ARHGAP17: variants seen among roughly 807,000 people sequenced by gnomAD.
ARHGAP17 encodes the protein Rho GTPase activating protein 17.
In ARHGAP17, 57 loss-of-function variants were observed where a neutral mutation model predicts 99.5. The observed-to-expected ratio is 0.57, with a 90% CI of 0.46 to 0.71. The LOEUF (loss-of-function observed/expected upper bound fraction) is 0.71. Ranked by LOEUF, ARHGAP17 falls within the 30% of genes least tolerant of loss-of-function variation. The pLI is 0.00. For missense variants in ARHGAP17, 1,000 were observed against 1,122.4 expected (o/e 0.89, Z 1.56); for synonymous variants, 417 against 429.6 (o/e 0.97, Z 0.36).
intron 1 of ARHGAP17, among the ~76,000 whole-genome samples, chr16:24,995,310 C>T (rs2053162033): frequency 6.6e-6 from 1 of 152,158 alleles, no homozygotes; most frequent in Non-Finnish European, 1.5e-5. Context: ...GGGTTACAGA[C>T]ATGACAGGAG....
chr16:24,938,286 C>T (rs979837050), intron 17 of ARHGAP17, among the ~76,000 whole-genome samples: 2 of 151,838 alleles, frequency 1.3e-5, no homozygotes, highest in Non-Finnish European at 2.9e-5. Context: ...ATCACTTGAA[C>T]CCGGGAGACG....
intron 17 of ARHGAP17, among the ~76,000 whole-genome samples, chr16:24,938,133 AG>A (rs34608538): frequency 6.6e-6 from 1 of 152,164 alleles, no homozygotes; most frequent in Non-Finnish European, 1.5e-5. Context: ...AGGCCAAGGC[AG>A]GGGGATCACC....
At chr16:24,933,574 C>A (rs1200950170) in intron 18 of ARHGAP17, among the ~76,000 whole-genome samples, 5 of 152,032 alleles carry the variant, frequency 3.3e-5, no homozygotes, top group African/African-American at 7.2e-5. Context: ...AACTCAGAAA[C>A]CACCAACCAG....
At chr16:24,986,579 T>G (rs902828235) in intron 1 of ARHGAP17, among the ~76,000 whole-genome samples, 6 of 152,252 alleles carry the variant, frequency 3.9e-5, no homozygotes, top group Non-Finnish European at 7.3e-5. Context: ...GCCAGGCTCA[T>G]GCATTTGTGT....
At chr16:24,978,059 A>G (rs1213578203) in intron 2 of ARHGAP17, among the ~76,000 whole-genome samples, 1 of 152,168 alleles carries the variant, frequency 6.6e-6, no homozygotes, top group Admixed American at 6.5e-5. Flanking sequence ...TAGCCCCAGG[A>G]CTCAGGGCTG....
At chr16:24,973,783 TTA>T (rs1275431569) in intron 3 of ARHGAP17, among the ~76,000 whole-genome samples, 3 of 152,266 alleles carry the variant, frequency 2.0e-5, no homozygotes, top group Non-Finnish European at 2.9e-5. Flanking sequence ...TTCATTCATT[TTA>T]TATCTCCAGC....
At chr16:24,925,368 G>T (rs529253069) in intron 19 of ARHGAP17, among the ~76,000 whole-genome samples, 12 of 152,352 alleles carry the variant, frequency 7.9e-5, no homozygotes, top group Admixed American at 5.2e-4. Flanking sequence ...GACAGAGCAA[G>T]ACTCTGTCTC....
Position 24,920,136 on chromosome 16 carries a change from G to A in ARHGAP17, c.2640C>T (p.Ala880=). Residue 880 remains alanine (A), a synonymous_variant, in exon 20 of 20, where the codon GCC becomes GCT. Transcript: ENST00000289968. ...GGCTGGGAAAGGGCTTTCTTCACAGGGCAGTGCTCTCGGTATCATTGTCTA... is the reference window on the plus strand; with the variant it reads ...GGCTGGGAAAGGGCTTTCTTCACAGAGCAGTGCTCTCGGTATCATTGTCTA... ...LDIDNDTEST[A]L The A allele has an allele frequency of 6.2e-7, 1 of 1,613,880 alleles. No homozygotes were observed. Among genetic ancestry groups the A allele is most frequent in the Non-Finnish European group, 8.5e-7 (1 of 1,179,920 alleles).
At chr16:24,988,270 T>A (rs2052933874) in intron 1 of ARHGAP17, among the ~76,000 whole-genome samples, 1 of 152,204 alleles carries the variant, frequency 6.6e-6, no homozygotes, top group Non-Finnish European at 1.5e-5. Context: ...TGAAGCAATT[T>A]GTTATACCTG....
intron 1 of ARHGAP17, 60 bp downstream of exon 1, chr16:25,015,149 G>C (rs545964109): frequency 0.027 from 22,061 of 821,244 alleles, 2,024 homozygotes; most frequent in African/African-American, 0.27. Flanking sequence ...TCCCGCCCCC[G>C]CGCCCTCCGC....
chr16:24,974,715 A>T (rs1306070915), intron 3 of ARHGAP17, among the ~76,000 whole-genome samples: 1 of 152,210 alleles, frequency 6.6e-6, no homozygotes, highest in Non-Finnish European at 1.5e-5. Context: ...AGGTGACTAC[A>T]ACAGTCCAGG....
intron 6 of ARHGAP17, among the ~76,000 whole-genome samples, chr16:24,965,838 T>C (rs1480781618): frequency 6.6e-6 from 1 of 152,256 alleles, no homozygotes; most frequent in Non-Finnish European, 1.5e-5. Flanking sequence ...TATGTGTGCA[T>C]GTGCACAGCA....
Position 24,939,420 on chromosome 16 carries a change from C to G in ARHGAP17, c.1668G>C (p.Gly556=). Reference sequence around the variant, plus strand: ...GTATGCCCGCGGAAGAGGGGACAGTCCCACCCCCAGAGCTGCTTTCAGCCC... The same window carrying G: ...GTATGCCCGCGGAAGAGGGGACAGTGCCACCCCCAGAGCTGCTTTCAGCCC... The part of the protein sequence containing the change: ...SSRAESSSGG[G]TVPSSAGILE... The change falls in exon 17 of 20, where the codon GGG becomes GGC. Residue 556 remains glycine (G), a synonymous_variant. Transcript: ENST00000289968. 1.2e-5 allele frequency: 19 copies of G among 1,611,706 alleles called. No homozygotes were observed. The highest frequency in any genetic ancestry group is 1.6e-5 in the Non-Finnish European group (19 of 1,179,878).
At position 24,967,003 on chromosome 16, in the gene ARHGAP17, G is replaced by A. The variant is rs149156763; in HGVS notation, c.461+1348C>T. Among the ~76,000 whole-genome samples the A allele has an allele frequency of 2.3e-3, 345 of 152,290 alleles. 3 individuals carry two copies. Among genetic ancestry groups the A allele is most frequent in the Non-Finnish European group, 2.1e-3 (146 of 68,044 alleles). On this transcript the variant is annotated intron_variant, in intron 6 of 19. Coordinates refer to ENST00000289968, the MANE Select transcript of ARHGAP17 (RefSeq NM_001006634.3). ...GCATTTAGAGTCTAGCACAAAGTCT[G>A]GTGCACACTGAGCACCTAATTGATA...
chr16:24,980,573 T>C (rs559005745), intron 1 of ARHGAP17, among the ~76,000 whole-genome samples: 5 of 152,222 alleles, frequency 3.3e-5, no homozygotes, highest in East Asian at 1.9e-4. Flanking sequence ...GTGCCAGGCA[T>C]TGCTGAAGAG....
rs1270449268 is a variant in ARHGAP17 at position 24,973,042 on chromosome 16, C to T, written c.199-2462G>A. Among the ~76,000 whole-genome samples, 10 of 152,098 alleles carry T rather than the reference C, an allele frequency of 6.6e-5. No individual in the cohort carries two copies. The South Asian group carries it at 2.1e-3, about 32-fold the overall frequency. Reference sequence around the variant, plus strand: ...CCACTTCCGGGGTTTTGCCATGTTGCACAGGCTGGTATCGACTCCTGAGCT... The same window carrying T: ...CCACTTCCGGGGTTTTGCCATGTTGTACAGGCTGGTATCGACTCCTGAGCT... On this transcript the variant is annotated intron_variant, in intron 3 of 19. Coordinates refer to ENST00000289968, the MANE Select transcript of ARHGAP17 (RefSeq NM_001006634.3).
chr16:24,996,041 G>A (rs2053183290), intron 1 of ARHGAP17, among the ~76,000 whole-genome samples: 1 of 151,998 alleles, frequency 6.6e-6, no homozygotes, highest in Admixed American at 6.6e-5. Flanking sequence ...GTACACCAGG[G>A]ATTTCAGCAC....
At chr16:24,940,956 C>A (rs180706405) in intron 16 of ARHGAP17, among the ~76,000 whole-genome samples, 128 of 152,294 alleles carry the variant, frequency 8.4e-4, no homozygotes, top group African/African-American at 3.0e-3. Flanking sequence ...TAGACTCATG[C>A]ACTGTATTCT....
intron 11 of ARHGAP17, 143 bp from the exon 12 acceptor site, chr16:24,952,513 G>T: frequency 1.7e-6 from 1 of 574,852 alleles, no homozygotes. Context: ...AGAGTTGTTA[G>T]AGACTAAAAT....
Sources: allele counts gnomAD v4.1 joint callset (sites outside exome capture counted in the v4.1 genomes callset), GRCh38; gene constraint gnomAD v4.1.1; transcripts MANE v1.5; gene names NCBI Gene and HGNC (gene_info 2026-07-23, HGNC 2026-07-21).